FAM13C: variants seen among roughly 807,000 people sequenced by gnomAD.
The protein encoded by FAM13C is protein FAM13C.
Under a neutral mutation model 73.2 loss-of-function variants are expected in FAM13C, and 37 were observed. The ratio of observed to expected loss-of-function variants is 0.51; its 90% CI spans 0.39 to 0.67. FAM13C has a LOEUF of 0.67. Ranked by LOEUF, FAM13C falls within the 30% of genes least tolerant of loss-of-function variation. The pLI is 0.00. For missense variants in FAM13C, 589 were observed against 715.6 expected, an observed-to-expected ratio of 0.82 and a Z score of 2.02; for synonymous variants, 246 against 260.9, an observed-to-expected ratio of 0.94 and a Z score of 0.55.
At position 59,359,656 on chromosome 10, in the gene FAM13C, C is replaced by A. The variant is rs143827483; in HGVS notation, c.62+2743G>T. On this transcript the variant is annotated intron_variant, in intron 1 of 13. Transcript: ENST00000618804. The stretch of plus-strand genomic sequence containing the variant: ...CAGGAATGTGGATTTTTAAAACAGA[C>A]TGCCTACCTATAGAACTACTATGTT... 4.9e-3 allele frequency among the ~76,000 whole-genome samples: 745 copies of A among 152,344 alleles called. 9 individuals are homozygous for A. The highest frequency in any genetic ancestry group is 0.017 in the African/African-American group (719 of 41,586).
At chr10:59,321,008 A>G (rs1388285089) in intron 4 of FAM13C, among the ~76,000 whole-genome samples, 1 of 152,224 alleles carries the variant, frequency 6.6e-6, no homozygotes, top group Non-Finnish European at 1.5e-5. Context: ...TATATGTGCC[A>G]TATGAGAGTC....
chr10:59,313,134 G>T (rs73300164), intron 4 of FAM13C, among the ~76,000 whole-genome samples: 190 of 152,250 alleles, frequency 1.2e-3, no homozygotes, highest in Non-Finnish European at 2.3e-3. Flanking sequence ...TTGTATTAGC[G>T]TGGGATCATC....
intron 6 of FAM13C, among the ~76,000 whole-genome samples, chr10:59,280,475 G>A (rs1217977329): frequency 6.6e-6 from 1 of 152,154 alleles, no homozygotes; most frequent in Non-Finnish European, 1.5e-5. Flanking sequence ...TCTTCCCGTT[G>A]GCAAAATTGA....
chr10:59,287,336 C>CAAAAAAA (rs58759332), intron 5 of FAM13C, among the ~76,000 whole-genome samples: 1 of 73,814 alleles, frequency 1.4e-5, no homozygotes, highest in Non-Finnish European at 2.3e-5. Context: ...GACTCTGTCT[C>CAAAAAAA]AAAAAAAAAA....
intron 13 of FAM13C, among the ~76,000 whole-genome samples, chr10:59,249,756 C>T (rs1385708575): frequency 2.0e-5 from 3 of 152,190 alleles, no homozygotes; most frequent in Non-Finnish European, 2.9e-5. Context: ...AAGATCATCA[C>T]TTGTGCATTT....
At chr10:59,318,117 C>G (rs1256425234) in intron 4 of FAM13C, among the ~76,000 whole-genome samples, 1 of 151,806 alleles carries the variant, frequency 6.6e-6, no homozygotes, top group Non-Finnish European at 1.5e-5. Flanking sequence ...TTGGGATTCT[C>G]TATATTTTCC....
intron 6 of FAM13C, among the ~76,000 whole-genome samples, chr10:59,278,018 G>T (rs181967073): frequency 6.6e-6 from 1 of 152,176 alleles, no homozygotes; most frequent in African/African-American, 2.4e-5. Flanking sequence ...ACAGCTCCAC[G>T]TGGCTGTGGA....
chr10:59,252,086 T>G (rs374865262), intron 12 of FAM13C, among the ~76,000 whole-genome samples: 2 of 152,268 alleles, frequency 1.3e-5, no homozygotes, highest in African/African-American at 4.8e-5. Context: ...GAGAAATAAG[T>G]GTGGGAATAT....
intron 3 of FAM13C, among the ~76,000 whole-genome samples, chr10:59,342,123 C>T (rs2134183773): frequency 6.6e-6 from 1 of 152,280 alleles, no homozygotes; most frequent in Middle Eastern, 3.4e-3. Flanking sequence ...AGCCTCTGCT[C>T]ATGGCAAGCA....
chr10:59,272,814 C>T (rs1210103635), intron 6 of FAM13C, among the ~76,000 whole-genome samples: 1 of 152,128 alleles, frequency 6.6e-6, no homozygotes, highest in Non-Finnish European at 1.5e-5. Flanking sequence ...CACCACTTAT[C>T]GGCAGGGGAT....
At chr10:59,314,867 T>C (rs542378312) in intron 4 of FAM13C, among the ~76,000 whole-genome samples, 34 of 152,336 alleles carry the variant, frequency 2.2e-4, no homozygotes, top group African/African-American at 7.5e-4. Context: ...GCATCTATGA[T>C]ACAAATTATG....
At chr10:59,294,189 G>C (rs1453882958) in intron 5 of FAM13C, among the ~76,000 whole-genome samples, 2 of 152,190 alleles carry the variant, frequency 1.3e-5, no homozygotes, top group African/African-American at 4.8e-5. Context: ...AAAAACTACA[G>C]CACAGGCTGG....
rs903183511 is a variant in FAM13C at position 59,287,475 on chromosome 10, C to T, written c.508-4028G>A. On this transcript the variant is annotated intron_variant, in intron 5 of 13. Coordinates refer to ENST00000618804, the MANE Select transcript of FAM13C (RefSeq NM_198215.4). Reference sequence around the variant, plus strand: ...TCTTTCTTTAACTTTACCTTTCATTCTTTTTTTTTTAATTGTAGAACCAGC... The same window carrying T: ...TCTTTCTTTAACTTTACCTTTCATTTTTTTTTTTTTAATTGTAGAACCAGC... Among the ~76,000 whole-genome samples the T allele has an allele frequency of 6.3e-5, 9 of 143,134 alleles. No homozygotes were observed. The Admixed American group carries it at 6.3e-4, about 10-fold the overall frequency. The allele number at this position is 143,134 out of a possible 152,430, so 93.9% of individuals were successfully genotyped here.
intron 2 of FAM13C, among the ~76,000 whole-genome samples, chr10:59,355,372 A>G (rs1001921826): frequency 3.9e-5 from 6 of 152,236 alleles, no homozygotes; most frequent in African/African-American, 1.4e-4. Context: ...TGGATGAGCT[A>G]TCATTCCTAA....
At position 59,353,149 on chromosome 10, in the gene FAM13C, C is replaced by T. The variant is rs536426038; in HGVS notation, c.120-675G>A. 7.4e-4 allele frequency among the ~76,000 whole-genome samples: 112 copies of T among 152,278 alleles called. 2 individuals are homozygous for T. The highest frequency in any genetic ancestry group is 6.8e-3 in the Middle Eastern group (2 of 294). On this transcript the variant is annotated intron_variant, in intron 2 of 13. Coordinates refer to ENST00000618804, the MANE Select transcript of FAM13C (RefSeq NM_198215.4). ...TGGTTCTGAAGAAGATGGAAGAGGG[C>T]GGTGTTATCTTCATATATTCAGGGC...
intron 13 of FAM13C, among the ~76,000 whole-genome samples, chr10:59,249,408 GAAAAAAAA>G (rs71006241): frequency 4.5e-4 from 45 of 99,172 alleles, no homozygotes; most frequent in African/African-American, 1.6e-3. Context: ...CGTCTCAAAA[GAAAAAAAA>G]AAAAAAAAAA....
At chr10:59,315,962 C>T (rs185474010) in intron 4 of FAM13C, among the ~76,000 whole-genome samples, 1 of 152,254 alleles carries the variant, frequency 6.6e-6, no homozygotes, top group East Asian at 1.9e-4. Flanking sequence ...CAAGGTCTCA[C>T]TCAGTCATCC....
Position 59,247,562 on chromosome 10 carries a change from ATAAACT to A in FAM13C, c.*46_*51del. 1.6e-5 allele frequency: 25 copies of A among 1,609,788 alleles called. No individual in the cohort carries two copies. The highest frequency in any genetic ancestry group is 2.1e-5 in the Non-Finnish European group (25 of 1,178,246). On this transcript the variant is annotated 3_prime_UTR_variant, in exon 14 of 14. Transcript: ENST00000618804. ...TACTTAGCAAGGATGGCAGAGGAAAATAAACTTTACTTTATATCATGGGTGAAAGTG... is the reference window on the plus strand; with the variant it reads ...TACTTAGCAAGGATGGCAGAGGAAAATTACTTTATATCATGGGTGAAAGTG...
intron 4 of FAM13C, among the ~76,000 whole-genome samples, chr10:59,309,042 T>C (rs1327219372): frequency 6.6e-6 from 1 of 152,248 alleles, no homozygotes; most frequent in Non-Finnish European, 1.5e-5. Context: ...TTGAACTATC[T>C]ATAATTAAAT....
Sources: gnomAD v4.1 joint callset for allele counts (sites outside exome capture counted in the v4.1 genomes callset) on GRCh38, gnomAD v4.1.1 for gene constraint, MANE v1.5 for transcripts, NCBI Gene and HGNC (gene_info 2026-07-23, HGNC 2026-07-21) for gene names.